THSD7A: variants seen among roughly 807,000 people sequenced by gnomAD.
THSD7A encodes the protein thrombospondin type 1 domain containing 7A.
A neutral mutation model predicts 231.3 loss-of-function variants in THSD7A; 96 were observed. The ratio of observed to expected loss-of-function variants is 0.41; its 90% CI spans 0.35 to 0.49. THSD7A has a LOEUF of 0.49. Among genes scored for constraint, THSD7A ranks in the 20% least tolerant of loss-of-function variants. The pLI is 0.05. For missense variants in THSD7A, 2,290 were observed against 2,070.2 expected, an observed-to-expected ratio of 1.11 and a Z score of -2.06; for synonymous variants, 940 against 743.3, an observed-to-expected ratio of 1.26 and a Z score of -4.30.
In THSD7A at chr7:11,411,224, G is replaced by T. The variant is rs1301092084; in HGVS notation, c.3781C>A (p.Leu1261Met). 1 of 1,613,234 alleles carries T rather than the reference G, an allele frequency of 6.2e-7. No individual in the cohort carries two copies. Among genetic ancestry groups the T allele is most frequent in the Non-Finnish European group, 8.5e-7 (1 of 1,179,430 alleles). ...CCACCTACCGCTTCACAATATTTCA[G>T]GTCAACTGACTTGCCATCACTTCGA... ...CVRSDGKSVD[L>M]KYCEALGLEK... Residue 1261 changes from leucine (L) to methionine (M), a missense_variant, in exon 19 of 28, where the codon CTG (leucine) becomes ATG (methionine). Leu to Met is a conservative substitution (Grantham distance 15). Coordinates refer to ENST00000423059, the MANE Select transcript of THSD7A (RefSeq NM_015204.3). This position sits in a 1 kb window ranked among gnomAD's most constrained non-coding sequence, Gnocchi z 4.1.
At chr7:11,760,948 T>G (rs1054087370) in intron 1 of THSD7A, among the ~76,000 whole-genome samples, 2 of 148,210 alleles carry the variant, frequency 1.3e-5, no homozygotes, top group African/African-American at 4.9e-5. Flanking sequence ...CTATAATATT[T>G]ATAAATTATA....
intron 1 of THSD7A, among the ~76,000 whole-genome samples, chr7:11,748,879 T>A (rs976089373): frequency 1.3e-5 from 2 of 152,020 alleles, no homozygotes; most frequent in Admixed American, 1.3e-4. Context: ...TCATAATACT[T>A]TGTTAATGTG....
chr7:11,593,484 C>T lies in THSD7A; in HGVS notation c.1041G>A (p.Lys347=), dbSNP rs1409901158. 9 of 1,613,774 alleles carry T rather than the reference C, an allele frequency of 5.6e-6. No homozygotes were observed. The highest frequency in any genetic ancestry group is 3.3e-5 in the Admixed American group (2 of 60,008). The change falls in exon 3 of 28, where the codon AAG becomes AAA. Residue 347 remains lysine (K), a synonymous_variant. Transcript: ENST00000423059. Reference sequence around the variant, plus strand: ...CACAGGACTGGAAGGTCATTGGAAGCTTCTCTTGCTGGCAAAAGCTGTAAA... The same window carrying T: ...CACAGGACTGGAAGGTCATTGGAAGTTTCTCTTGCTGGCAAAAGCTGTAAA... The part of the protein sequence containing the change: ...AADLSFCQQE[K]LPMTFQSCVI...
Position 11,493,040 on chromosome 7 carries a change from G to A in THSD7A, c.1823-11058C>T, listed in dbSNP as rs79423740. 7.5e-3 allele frequency among the ~76,000 whole-genome samples: 1,136 copies of A among 152,212 alleles called. 10 individuals carry two copies. The highest frequency in any genetic ancestry group is 0.026 in the African/African-American group (1,090 of 41,568). On this transcript the variant is annotated intron_variant, in intron 6 of 27. Transcript: ENST00000423059. Reference sequence around the variant, plus strand: ...ACCACACATGTATTAGGAACTCCCAGCCCATTTCATCAACAGTTAGCATTT... The same window carrying A: ...ACCACACATGTATTAGGAACTCCCAACCCATTTCATCAACAGTTAGCATTT...
At position 11,424,781 on chromosome 7, in the gene THSD7A, C is replaced by T. The variant is rs1169932390; in HGVS notation, c.3298G>A (p.Val1100Ile). 6.2e-7 allele frequency: 1 copy of T among 1,613,966 alleles called. No homozygotes were observed. The highest frequency in any genetic ancestry group is 2.2e-5 in the East Asian group (1 of 44,872). The part of the protein sequence containing the change: ...CHSDCNQYLW[V>I]TEPWSICKVT... ...TTGCAGATGCTCCAGGGCTCTGTGA[C>T]CCATAGGTACTGGTTGCAGTCACTG... is the stretch of plus-strand genomic sequence containing the variant. The change falls in exon 16 of 28, where the codon GTC becomes ATC. Residue 1100 changes from valine (V) to isoleucine (I), a missense_variant. By Grantham distance (29) the Val-to-Ile change is conservative. Transcript: ENST00000423059.
intron 1 of THSD7A, among the ~76,000 whole-genome samples, chr7:11,782,197 C>T (rs542135440): frequency 4.7e-4 from 72 of 152,160 alleles, no homozygotes; most frequent in African/African-American, 1.7e-3. Flanking sequence ...CACTTCATAC[C>T]TAAGAATGGA....
intron 20 of THSD7A, 75 bp downstream of exon 20, chr7:11,407,231 G>T: frequency 7.0e-7 from 1 of 1,436,932 alleles, no homozygotes; most frequent in Non-Finnish European, 9.6e-7. Context: ...TATTTGATAT[G>T]GGTTAAAGCA....
chr7:11,583,440 C>T (rs1224334074), intron 4 of THSD7A, among the ~76,000 whole-genome samples: 1 of 151,944 alleles, frequency 6.6e-6, no homozygotes, highest in East Asian at 1.9e-4. Context: ...TCACGCCTGG[C>T]AGTTTTTATA....
chr7:11,438,171 G>A (rs1166068717), intron 13 of THSD7A, among the ~76,000 whole-genome samples: 1 of 151,924 alleles, frequency 6.6e-6, no homozygotes, highest in Non-Finnish European at 1.5e-5. Context: ...ATTGAAACAT[G>A]ACACCTGCTT....
At chr7:11,721,470 G>A (rs1208889567) in intron 1 of THSD7A, among the ~76,000 whole-genome samples, 1 of 151,808 alleles carries the variant, frequency 6.6e-6, no homozygotes, top group African/African-American at 2.4e-5. Flanking sequence ...TGCCATGACT[G>A]TAAGTTTCCT....
At chr7:11,425,731 T>TACACACACAC (rs3086973) in intron 15 of THSD7A, among the ~76,000 whole-genome samples, 3,655 of 145,758 alleles carry the variant, frequency 0.025, 123 homozygotes, top group African/African-American at 0.075. Context: ...TCCCTTATTT[T>TACACACACAC]ACACACACAC....
At chr7:11,503,153 G>T (rs1787406565) in intron 6 of THSD7A, among the ~76,000 whole-genome samples, 1 of 152,056 alleles carries the variant, frequency 6.6e-6, no homozygotes, top group African/African-American at 2.4e-5. Context: ...CCAGAAATAA[G>T]GTTGCACATC....
At chr7:11,818,703 G>T (rs1784783470) in intron 1 of THSD7A, among the ~76,000 whole-genome samples, 1 of 152,144 alleles carries the variant, frequency 6.6e-6, no homozygotes, top group African/African-American at 2.4e-5. Context: ...GATACAGGAG[G>T]TATGTATTAC....
intron 2 of THSD7A, among the ~76,000 whole-genome samples, chr7:11,617,836 G>A (rs761767422): frequency 2.0e-5 from 3 of 152,130 alleles, no homozygotes; most frequent in South Asian, 2.1e-4. Flanking sequence ...GGGGCCTGTC[G>A]TGGGGTAGGG....
intron 1 of THSD7A, among the ~76,000 whole-genome samples, chr7:11,778,156 C>CAAAAAAAAAAAAAA (rs57740181): frequency 5.8e-4 from 26 of 45,030 alleles, no homozygotes; most frequent in African/African-American, 1.2e-3. Flanking sequence ...GACTCCGTCT[C>CAAAAAAAAAAAAAA]AAAAAAAAAA....
In THSD7A at chr7:11,439,758, T is replaced by A. The variant is rs143494982; in HGVS notation, c.3064+6303A>T. ...AAGCTACATAAAAAACGTTGCAAGC[T>A]AGCAGAGGTTGGTTTGGATTTAAGG... is the stretch of plus-strand genomic sequence containing the variant. On this transcript the variant is annotated intron_variant, in intron 13 of 27. Transcript: ENST00000423059. Among the ~76,000 whole-genome samples the A allele has an allele frequency of 5.8e-4, 88 of 152,144 alleles. 1 individual carries two copies. The East Asian group carries it at 6.0e-3, about 10-fold the overall frequency.
At chr7:11,784,842 C>G (rs1783738121) in intron 1 of THSD7A, among the ~76,000 whole-genome samples, 1 of 151,974 alleles carries the variant, frequency 6.6e-6, no homozygotes, top group Admixed American at 6.6e-5. Context: ...TATCAAAATG[C>G]CATAAATTCC....
intron 10 of THSD7A, 31 bp downstream of exon 10, chr7:11,461,980 C>T (rs181691985): frequency 5.0e-6 from 8 of 1,602,790 alleles, no homozygotes; most frequent in South Asian, 2.2e-5. Context: ...TTGTTCAGCT[C>T]CTCCCTCACG....
At chr7:11,595,597 G>C in intron 2 of THSD7A, among the ~76,000 whole-genome samples, 1 of 152,212 alleles carries the variant, frequency 6.6e-6, no homozygotes, top group Non-Finnish European at 1.5e-5. Context: ...TTGGGATGGT[G>C]AAGTGGATTA....
Sources: allele counts gnomAD v4.1 joint callset (sites outside exome capture counted in the v4.1 genomes callset), GRCh38; gene constraint gnomAD v4.1.1; non-coding constraint Gnocchi (gnomAD v3.1); transcripts MANE v1.5; gene names NCBI Gene and HGNC (gene_info 2026-07-23, HGNC 2026-07-21).